Variants in C6orf89 observed in about 807,000 individuals in gnomAD.
C6orf89 encodes the protein bombesin receptor-activated protein C6orf89.
In C6orf89, 29 loss-of-function variants were observed where a neutral mutation model predicts 40.7. The ratio of observed to expected loss-of-function variants is 0.71; its 90% CI spans 0.53 to 0.97. The LOEUF is 0.97. Ranked by LOEUF, C6orf89 falls within the 50% of genes least tolerant of loss-of-function variation. The pLI is 0.00. For missense variants in C6orf89, 392 were observed against 429.1 expected (o/e 0.91, Z 0.76); for synonymous variants, 165 against 152.2 (o/e 1.08, Z -0.62).
At chr6:36,903,245 G>T (rs773379863) in intron 4 of C6orf89, among the ~76,000 whole-genome samples, 14 of 147,030 alleles carry the variant, frequency 9.5e-5, no homozygotes, top group South Asian at 2.2e-4. Flanking sequence ...GTGTGTGTGT[G>T]TAAAGAAATT....
At chr6:36,890,697 C>T (rs1761172423) in intron 1 of C6orf89, among the ~76,000 whole-genome samples, 1 of 152,006 alleles carries the variant, frequency 6.6e-6, no homozygotes, top group Non-Finnish European at 1.5e-5. Flanking sequence ...CCATGCCTGG[C>T]TAATTTTTGT....
chr6:36,913,309 CT>C (rs1762192004), intron 4 of C6orf89, among the ~76,000 whole-genome samples: 1 of 152,178 alleles, frequency 6.6e-6, no homozygotes, highest in Non-Finnish European at 1.5e-5. Context: ...GAAACTATGG[CT>C]GGCGGCCCCA....
At chr6:36,896,139 ACT>A (rs1761421734) in intron 2 of C6orf89, among the ~76,000 whole-genome samples, 2 of 151,988 alleles carry the variant, frequency 1.3e-5, no homozygotes, top group Admixed American at 6.6e-5. Flanking sequence ...ATGGAGTCTC[ACT>A]CTGTCACCCA....
At chr6:36,902,551 A>T in intron 4 of C6orf89, 117 bp downstream of exon 4, 1 of 853,752 alleles carries the variant, frequency 1.2e-6, no homozygotes, top group Non-Finnish European at 1.8e-6. Context: ...TGTATCTTTT[A>T]ATTCAGTCCC....
Position 36,909,026 on chromosome 6 carries a change from T to C in C6orf89, c.404-5258T>C, listed in dbSNP as rs139039022. ...ACCTCATCTTAAATGACTACATCTG[T>C]GGCCACCCTATCTCCAAGGTCATGT... is the stretch of plus-strand genomic sequence containing the variant. On this transcript the variant is annotated intron_variant, in intron 4 of 8. Transcript: ENST00000480824. 5.1e-3 allele frequency among the ~76,000 whole-genome samples: 784 copies of C among 152,308 alleles called. 6 individuals carry two copies. The highest frequency in any genetic ancestry group is 0.016 in the African/African-American group (672 of 41,554).
Position 36,923,606 on chromosome 6 carries a change from A to T in C6orf89, c.*165A>T. On this transcript the variant is annotated 3_prime_UTR_variant, in exon 9 of 9. Transcript: ENST00000480824. ...CTGTGAGCTGCAAGGCAGTGGCCAG[A>T]GCCTCGCCCTCCTGACTCTTCCTGC... 1 of 679,504 alleles carries T rather than the reference A, an allele frequency of 1.5e-6. No homozygotes were observed. Among genetic ancestry groups the T allele is most frequent in the Non-Finnish European group, 2.8e-6 (1 of 363,358 alleles). 42.1% of individuals were successfully genotyped at this position (679,504 alleles called of 1,614,324 possible).
chr6:36,887,299 C>G (rs1301473500), intron 1 of C6orf89, among the ~76,000 whole-genome samples: 3 of 152,156 alleles, frequency 2.0e-5, no homozygotes, highest in Non-Finnish European at 2.9e-5. Flanking sequence ...AAACCATGAG[C>G]CACGAGTTAC....
intron 1 of C6orf89, among the ~76,000 whole-genome samples, chr6:36,873,530 G>A (rs1270468129): frequency 1.3e-5 from 2 of 152,154 alleles, no homozygotes; most frequent in African/African-American, 4.8e-5. Flanking sequence ...AACTGTTGAT[G>A]GTGTTTTCAG....
intron 1 of C6orf89, among the ~76,000 whole-genome samples, chr6:36,891,560 G>A (rs1271206583): frequency 2.0e-5 from 3 of 152,188 alleles, no homozygotes; most frequent in Non-Finnish European, 1.5e-5. Context: ...GATCCTTGAG[G>A]AATCACCACA....
chr6:36,902,153 T>C, intron 3 of C6orf89, 68 bp from the exon 4 acceptor site: 4 of 1,369,452 alleles, frequency 2.9e-6, no homozygotes, highest in Non-Finnish European at 4.1e-6. Context: ...CTGTTTTGTT[T>C]TGTTTTTTTT....
At chr6:36,872,741 G>A (rs1230985165) in intron 1 of C6orf89, among the ~76,000 whole-genome samples, 1 of 152,112 alleles carries the variant, frequency 6.6e-6, no homozygotes, top group African/African-American at 2.4e-5. Flanking sequence ...CTGAGTAGCT[G>A]GGACTACAGG....
At chr6:36,897,129 C>CAAAAAAAAAAAAAAAAAAA (rs34191608) in intron 2 of C6orf89, among the ~76,000 whole-genome samples, 1 of 85,396 alleles carries the variant, frequency 1.2e-5, no homozygotes, top group African/African-American at 4.6e-5. Flanking sequence ...GACTCTGTCT[C>CAAAAAAAAAAAAAAAAAAA]AAAAAAAAAA....
At chr6:36,917,736 T>C (rs977673785) in intron 7 of C6orf89, among the ~76,000 whole-genome samples, 4 of 151,826 alleles carry the variant, frequency 2.6e-5, no homozygotes, top group Non-Finnish European at 5.9e-5. Flanking sequence ...AAGAAGTTTA[T>C]CCTGCTGTCG....
At chr6:36,920,083 G>T (rs1762462732) in intron 8 of C6orf89, among the ~76,000 whole-genome samples, 1 of 152,180 alleles carries the variant, frequency 6.6e-6, no homozygotes, top group Non-Finnish European at 1.5e-5. Context: ...TTAAGTGCCT[G>T]CTTGAACACA....
intron 1 of C6orf89, among the ~76,000 whole-genome samples, chr6:36,874,028 G>A (rs538419707): frequency 9.8e-5 from 15 of 152,310 alleles, no homozygotes; most frequent in Non-Finnish European, 1.6e-4. Context: ...ATCTAGCAAG[G>A]TGAGACGAGC....
At chr6:36,893,460 C>T (rs1468805992) in intron 1 of C6orf89, among the ~76,000 whole-genome samples, 1 of 152,194 alleles carries the variant, frequency 6.6e-6, no homozygotes, top group Non-Finnish European at 1.5e-5. Context: ...TTGCTATTAA[C>T]TACCTTTCTG....
Position 36,914,564 on chromosome 6 carries a change from C to T in C6orf89, c.566C>T (p.Pro189Leu), listed in dbSNP as rs1762246489. Residue 189 changes from proline to leucine, a missense_variant, in exon 6 of 9, where the codon CCC (proline) becomes CTC (leucine). Coordinates refer to ENST00000480824, the MANE Select transcript of C6orf89 (RefSeq NM_001286635.2). ...LHPLVIKTGK[P>L]LLEEEIQHFL... ...TCCTGCCTTGCCAAGACGGGAAAGC[C>T]CCTGTTGGAGGAAGAGATTCAGCAT... 2 of 1,613,964 alleles carry T rather than the reference C, an allele frequency of 1.2e-6. No homozygotes were observed. Among genetic ancestry groups the T allele is most frequent in the Non-Finnish European group, 1.7e-6 (2 of 1,179,922 alleles).
Position 36,902,265 on chromosome 6 carries a change from G to A in C6orf89, c.234G>A (p.Val78=). The change falls in exon 4 of 9, where the codon GTG becomes GTA. Residue 78 remains valine (V), a synonymous_variant. Transcript: ENST00000480824. ...LGLILLTAYF[V]IQPFSPLAPE... ...TAATCTTGCTCACTGCCTACTTTGT[G>A]ATTCAACCTTTCAGCCCATTAGCAC... is the stretch of plus-strand genomic sequence containing the variant. 1 of 1,614,106 alleles carries A rather than the reference G, an allele frequency of 6.2e-7. No homozygotes were observed.
At chr6:36,910,152 G>A (rs982805253) in intron 4 of C6orf89, among the ~76,000 whole-genome samples, 3 of 151,588 alleles carry the variant, frequency 2.0e-5, no homozygotes, top group African/African-American at 7.3e-5. Context: ...TTTGAGACAG[G>A]ATCTCACTGT....
Sources: allele counts gnomAD v4.1 joint callset (sites outside exome capture counted in the v4.1 genomes callset), GRCh38; gene constraint gnomAD v4.1.1; transcripts MANE v1.5; gene names NCBI Gene and HGNC (gene_info 2026-07-23, HGNC 2026-07-21).